The following NINL variants were observed in gnomAD, a reference collection of about 807,000 sequenced individuals.
The protein encoded by NINL is ninein like, also known as ninein-like protein.
In NINL, 153 loss-of-function variants were observed where a neutral mutation model predicts 160.3. The observed-to-expected ratio is 0.95, with a 90% CI of 0.84 to 1.09. The LOEUF is 1.09. Ranked by LOEUF, NINL falls within the 50% of genes least tolerant of loss-of-function variation. NINL has a pLI of 0.00. For missense variants in NINL, 1,829 were observed against 1,764.0 expected (o/e 1.04, Z -0.66); for synonymous variants, 800 against 734.8 (o/e 1.09, Z -1.43).
At chr20:25,461,246 C>T (rs1276965335) in intron 21 of NINL, among the ~76,000 whole-genome samples, 1 of 152,218 alleles carries the variant, frequency 6.6e-6, no homozygotes, top group Non-Finnish European at 1.5e-5. Context: ...GCCTCTGGCT[C>T]CTCCATTCTG....
At chr20:25,519,499 T>A (rs1488971852) in intron 2 of NINL, among the ~76,000 whole-genome samples, 1 of 152,258 alleles carries the variant, frequency 6.6e-6, no homozygotes, top group African/African-American at 2.4e-5. Context: ...TTGTCTAACA[T>A]GTTTTTATTT....
intron 1 of NINL, among the ~76,000 whole-genome samples, chr20:25,557,669 C>A (rs2064884094): frequency 6.6e-6 from 1 of 151,900 alleles, no homozygotes. Context: ...TAAAGCGAAA[C>A]TCAACAGAAT....
chr20:25,530,305 A>C (rs2064434347), intron 1 of NINL, among the ~76,000 whole-genome samples: 1 of 152,170 alleles, frequency 6.6e-6, no homozygotes, highest in Non-Finnish European at 1.5e-5. Context: ...CACTGAACAC[A>C]TTATTTTCCA....
At chr20:25,553,350 G>T (rs1391860825) in intron 1 of NINL, among the ~76,000 whole-genome samples, 2 of 151,982 alleles carry the variant, frequency 1.3e-5, no homozygotes. Flanking sequence ...TGGGGAAATG[G>T]CATTTTAAAC....
intron 2 of NINL, among the ~76,000 whole-genome samples, chr20:25,524,281 T>C (rs1334973624): frequency 6.6e-6 from 1 of 152,136 alleles, no homozygotes; most frequent in Non-Finnish European, 1.5e-5. Flanking sequence ...AGCAGGGTGC[T>C]CTCGAAATGT....
At chr20:25,570,066 G>A (rs1248984245) in intron 1 of NINL, among the ~76,000 whole-genome samples, 3 of 151,996 alleles carry the variant, frequency 2.0e-5, no homozygotes, top group Non-Finnish European at 4.4e-5. Flanking sequence ...TGTAGTCCCA[G>A]CTACTTGGGA....
chr20:25,541,102 C>G (rs2064655725), intron 1 of NINL, among the ~76,000 whole-genome samples: 1 of 152,084 alleles, frequency 6.6e-6, no homozygotes, highest in Non-Finnish European at 1.5e-5. Context: ...TGTCCTAGAA[C>G]ACCTTTCTGT....
intron 1 of NINL, among the ~76,000 whole-genome samples, chr20:25,535,786 A>AT (rs1188184582): frequency 6.6e-6 from 1 of 152,082 alleles, no homozygotes; most frequent in African/African-American, 2.4e-5. Context: ...TTTTATCTGG[A>AT]TTTTCTCCTT....
In NINL at chr20:25,476,517, G is replaced by A. The variant is rs372215338; in HGVS notation, c.2774C>T (p.Pro925Leu). 20 of 1,601,782 alleles carry A rather than the reference G, an allele frequency of 1.2e-5. No individual in the cohort carries two copies. The highest frequency in any genetic ancestry group is 5.3e-5 in the African/African-American group (4 of 74,938). The change falls in exon 17 of 24, where the codon CCT becomes CTT. Residue 925 changes from proline to leucine, a missense_variant. Transcript: ENST00000278886. Reference protein sequence around the residue: ...DGDIVPKEPEPFGASAAGLEQ... With the variant: ...DGDIVPKEPELFGASAAGLEQ... ...CAGCCCCGCTGCGCTCGCGCCGAAA[G>A]GCTCTGGCTCCTTTGGGACAATATC...
At chr20:25,550,048 C>G (rs2075188175) in intron 1 of NINL, among the ~76,000 whole-genome samples, 1 of 152,226 alleles carries the variant, frequency 6.6e-6, no homozygotes, top group South Asian at 2.1e-4. Context: ...AGGAATTTGT[C>G]TCTCTTTCCA....
At chr20:25,478,018 G>A (rs987344033) in intron 16 of NINL, among the ~76,000 whole-genome samples, 9 of 150,080 alleles carry the variant, frequency 6.0e-5, no homozygotes, top group African/African-American at 2.2e-4. Context: ...GCGAGATCTC[G>A]GCTCACTGCA....
Position 25,509,313 on chromosome 20 carries a change from A to G in NINL, c.517+1361T>C, listed in dbSNP as rs115849014. 2.2e-3 allele frequency among the ~76,000 whole-genome samples: 330 copies of G among 152,166 alleles called. 1 individual carries two copies. Among genetic ancestry groups the G allele is most frequent in the African/African-American group, 7.6e-3 (315 of 41,522 alleles). On this transcript the variant is annotated intron_variant, in intron 5 of 23. Coordinates refer to ENST00000278886, the MANE Select transcript of NINL (RefSeq NM_025176.6). ...AGCCCAGACGCATCAGTGACGCTTCATATGATTTCAGACCCAGCCTTCAAG... is the reference window on the plus strand; with the variant it reads ...AGCCCAGACGCATCAGTGACGCTTCGTATGATTTCAGACCCAGCCTTCAAG...
chr20:25,526,091 T>G (rs1040001286), intron 2 of NINL, among the ~76,000 whole-genome samples: 1 of 152,228 alleles, frequency 6.6e-6, no homozygotes, highest in East Asian at 1.9e-4. Context: ...CCAACCCATG[T>G]GGTCTTTGTG....
At chr20:25,509,316 T>C (rs902978425) in intron 5 of NINL, among the ~76,000 whole-genome samples, 5 of 152,094 alleles carry the variant, frequency 3.3e-5, no homozygotes, top group Non-Finnish European at 7.4e-5. Context: ...ACGCTTCATA[T>C]GATTTCAGAC....
chr20:25,525,140 A>G (rs1001916840), intron 2 of NINL, among the ~76,000 whole-genome samples: 1 of 152,186 alleles, frequency 6.6e-6, no homozygotes, highest in African/African-American at 2.4e-5. Context: ...AACCAAAGTC[A>G]GAGAAAGGGC....
At chr20:25,508,439 A>AGC (rs1430247272) in intron 5 of NINL, among the ~76,000 whole-genome samples, 1 of 152,244 alleles carries the variant, frequency 6.6e-6, no homozygotes, top group Non-Finnish European at 1.5e-5. Flanking sequence ...CTGCATGGTC[A>AGC]GCGGCCTGCC....
rs557738071 is a variant in NINL, at chr20:25,487,044, T to G, written c.1677+2200A>C. ...ATTTTCAGCACAGGGTGATGTGGCC[T>G]TAAGATTCACACACGGAAAGAATGA... On this transcript the variant is annotated intron_variant, in intron 13 of 23. Coordinates refer to ENST00000278886, the MANE Select transcript of NINL (RefSeq NM_025176.6). 2.6e-5 allele frequency among the ~76,000 whole-genome samples: 4 copies of G among 152,300 alleles called. 1 individual carries two copies. The highest frequency in any genetic ancestry group is 4.2e-4 in the South Asian group (2 of 4,818).
In NINL at chr20:25,506,406, T is replaced by C. The variant is rs528875050; in HGVS notation, c.518-1328A>G. Among the ~76,000 whole-genome samples the C allele has an allele frequency of 5.9e-5, 9 of 152,352 alleles. No homozygotes were observed. The East Asian group carries it at 1.7e-3, about 29-fold the overall frequency. On this transcript the variant is annotated intron_variant, in intron 5 of 23. Transcript: ENST00000278886. ...ACAGCACCTGCTGCTCAGACTGCACTATGACAGCAGCCTGCCACAGGCTTC... is the reference window on the plus strand; with the variant it reads ...ACAGCACCTGCTGCTCAGACTGCACCATGACAGCAGCCTGCCACAGGCTTC...
chr20:25,480,186 T>A lies in NINL; in HGVS notation c.1892A>T (p.Asp631Val), dbSNP rs2063356959. The change falls in exon 15 of 24, where the codon GAC becomes GTC. Residue 631 changes from aspartate to valine, a missense_variant. Physicochemically the swap from Asp to Val is radical, Grantham distance 152. Coordinates refer to ENST00000278886, the MANE Select transcript of NINL (RefSeq NM_025176.6). The stretch of plus-strand genomic sequence containing the variant: ...CTTGGTCTCCAGCTGGGTCCTGAGG[T>A]CTTGGTAATGCTCCTTTACCTGCTC... ...MMEQVKEHYQ[D>V]LRTQLETKVN... is the part of the protein sequence containing the mutation. 1 of 1,613,708 alleles carries A rather than the reference T, an allele frequency of 6.2e-7. No individual in the cohort carries two copies. The highest frequency in any genetic ancestry group is 1.7e-5 in the Admixed American group (1 of 59,986).
Sources: gnomAD v4.1 joint callset for allele counts (sites outside exome capture counted in the v4.1 genomes callset) on GRCh38, gnomAD v4.1.1 for gene constraint, MANE v1.5 for transcripts, NCBI Gene and HGNC (gene_info 2026-07-23, HGNC 2026-07-21) for gene names.